The following SRL variants were observed in gnomAD, a reference collection of about 807,000 sequenced individuals.
The protein encoded by SRL is sarcalumenin.
SRL carries 23 observed loss-of-function variants against 39.5 expected under a neutral mutation model. The ratio of observed to expected loss-of-function variants is 0.58; its 90% CI spans 0.42 to 0.82. The LOEUF (loss-of-function observed/expected upper bound fraction) is 0.82. Among genes scored for constraint, SRL ranks in the 40% least tolerant of loss-of-function variants. The pLI, the probability that SRL is intolerant of heterozygous loss-of-function variation, is 0.00. For missense variants in SRL, 592 were observed against 607.8 expected (o/e 0.97, Z 0.27); for synonymous variants, 272 against 237.4 (o/e 1.15, Z -1.34).
chr16:4,204,925 G>A (rs140801068), intron 1 of SRL, among the ~76,000 whole-genome samples: 341 of 152,208 alleles, frequency 2.2e-3, no homozygotes, highest in East Asian at 5.8e-3. Flanking sequence ...CCTTCGCCAC[G>A]CCAGGCACTG....
At chr16:4,210,023 C>T (rs1477941413) in intron 1 of SRL, among the ~76,000 whole-genome samples, 4 of 152,198 alleles carry the variant, frequency 2.6e-5, no homozygotes, top group Non-Finnish European at 5.9e-5. Context: ...CTGGTCCTGG[C>T]TCCTGATTTG....
chr16:4,203,162 C>G lies in SRL; in HGVS notation c.259+4G>C, dbSNP rs2052260546. ...CAAGCCCTACCTGTTATCTCAAGCC[C>G]TACCTGTGATCTCATGCTGCCGGAG... is the stretch of plus-strand genomic sequence containing the variant. On this transcript the variant is annotated splice_donor_region_variant and intron_variant, in intron 3 of 5. Transcript: ENST00000399609. 7.4e-6 allele frequency: 12 copies of G among 1,613,242 alleles called. No individual in the cohort carries two copies. The East Asian group carries it at 2.7e-4, about 36-fold the overall frequency.
In SRL at chr16:4,234,940, T is replaced by A. The variant is rs2141070564; in HGVS notation, c.61+7067A>T. On this transcript the variant is annotated intron_variant, in intron 1 of 5. Transcript: ENST00000399609. ...AAATTCCATCTTAGAGATATCTTCC[T>A]TGAGCTGAAATCTTCTGAATCCTCT... Among the ~76,000 whole-genome samples the A allele has an allele frequency of 2.0e-5, 3 of 152,358 alleles. 1 individual carries two copies. In the South Asian group the frequency reaches 6.2e-4, roughly 32 times the overall value.
chr16:4,192,179 G>C lies in SRL; in HGVS notation c.1396C>G (p.Pro466Ala). ...TAGTGCTTCCTGTAGCGATTTTTTGGTGTTTCGCTACACCCTGTTTTGTCA... is the reference window on the plus strand; with the variant it reads ...TAGTGCTTCCTGTAGCGATTTTTTGCTGTTTCGCTACACCCTGTTTTGTCA... ...NCDKTGCSET[P>A]KNRYRKH Residue 466 changes from proline to alanine, a missense_variant, in exon 6 of 6, where the codon CCA becomes GCA. Physicochemically the swap from Pro to Ala is conservative, Grantham distance 27. Transcript: ENST00000399609. The surrounding 1 kb of genome is among the most constrained non-coding windows in gnomAD (Gnocchi z 4.0). 6.4e-7 allele frequency: 1 copy of C among 1,556,376 alleles called. No individual in the cohort carries two copies. Among genetic ancestry groups the C allele is most frequent in the Non-Finnish European group, 8.7e-7 (1 of 1,155,734 alleles).
intron 3 of SRL, among the ~76,000 whole-genome samples, chr16:4,199,692 C>CTTTTTTTTTTTTTTTTT (rs201684866): frequency 2.7e-5 from 3 of 111,526 alleles, no homozygotes; most frequent in African/African-American, 1.0e-4. Flanking sequence ...CTTTTCTTTT[C>CTTTTTTTTTTTTTTTTT]CTTTTTTTTT....
At chr16:4,215,890 G>C (rs575658872) in intron 1 of SRL, among the ~76,000 whole-genome samples, 3 of 152,112 alleles carry the variant, frequency 2.0e-5, no homozygotes, top group Non-Finnish European at 4.4e-5. Flanking sequence ...TTTAAAATTA[G>C]CTTGGCATGG....
intron 5 of SRL, among the ~76,000 whole-genome samples, chr16:4,194,923 C>G (rs368906865): frequency 3.8e-4 from 57 of 151,730 alleles, no homozygotes; most frequent in African/African-American, 1.3e-3. Context: ...GAGACAGAGT[C>G]TTGCTGTGTC....
At chr16:4,199,021 A>C (rs1031191836) in intron 3 of SRL, among the ~76,000 whole-genome samples, 1 of 152,134 alleles carries the variant, frequency 6.6e-6, no homozygotes, top group Non-Finnish European at 1.5e-5. Context: ...TTCAGGCCTC[A>C]GCTCTTCCAG....
At chr16:4,216,948 G>C (rs1184986423) in intron 1 of SRL, among the ~76,000 whole-genome samples, 1 of 152,220 alleles carries the variant, frequency 6.6e-6, no homozygotes, top group Non-Finnish European at 1.5e-5. Flanking sequence ...GAAGCCAAGG[G>C]AGCGTGGCTC....
At chr16:4,238,087 T>C (rs1329585455) in intron 1 of SRL, among the ~76,000 whole-genome samples, 2 of 152,172 alleles carry the variant, frequency 1.3e-5, no homozygotes, top group Non-Finnish European at 2.9e-5. Context: ...GGTTCACGAA[T>C]GATGGAACAC....
intron 1 of SRL, among the ~76,000 whole-genome samples, chr16:4,237,394 GTCAGCTGGGTCCACCCCT>G (rs1415491280): frequency 3.3e-5 from 5 of 152,126 alleles, no homozygotes; most frequent in Non-Finnish European, 5.9e-5. Flanking sequence ...TACACCAGCT[GTCAGCTGGGTCCACCCCT>G]TCTCTCCACT....
intron 1 of SRL, among the ~76,000 whole-genome samples, chr16:4,221,505 A>T (rs2052529783): frequency 6.6e-6 from 1 of 151,698 alleles, no homozygotes. Flanking sequence ...CCCCAGGCTG[A>T]CCCTCCCCGG....
Position 4,192,474 on chromosome 16 carries a change from G to C in SRL, c.1101C>G (p.Val367=). 6.2e-7 allele frequency: 1 copy of C among 1,614,204 alleles called. No homozygotes were observed. The highest frequency in any genetic ancestry group is 8.5e-7 in the Non-Finnish European group (1 of 1,180,034). Residue 367 remains valine (V), a synonymous_variant, in exon 6 of 6, where the codon GTC becomes GTG. Coordinates refer to ENST00000399609, the MANE Select transcript of SRL (RefSeq NM_001098814.2). This position sits in a 1 kb window ranked among gnomAD's most constrained non-coding sequence, Gnocchi z 4.0. ...KMTFFSDGEL[V]FKDIVEDPDK... is the part of the protein sequence containing the mutation. ...CGGGATCTTCCACAATGTCCTTAAA[G>C]ACCAGTTCTCCATCACTGAAGAAGG...
chr16:4,238,569 A>G lies in SRL; in HGVS notation c.61+3438T>C, dbSNP rs1416504677. Reference sequence around the variant, plus strand: ...CTTCACTGTAATACCTGGATGTAGGAAAAAACCAGCAGTTCCTAAACAGCA... The same window carrying G: ...CTTCACTGTAATACCTGGATGTAGGGAAAAACCAGCAGTTCCTAAACAGCA... On this transcript the variant is annotated intron_variant, in intron 1 of 5. Coordinates refer to ENST00000399609, the MANE Select transcript of SRL (RefSeq NM_001098814.2). Among the ~76,000 whole-genome samples the G allele has an allele frequency of 3.9e-5, 6 of 152,174 alleles. No homozygotes were observed. In the South Asian group the frequency reaches 6.2e-4, roughly 16 times the overall value.
At chr16:4,232,644 G>A (rs2141068546) in intron 1 of SRL, among the ~76,000 whole-genome samples, 1 of 152,266 alleles carries the variant, frequency 6.6e-6, no homozygotes, top group Middle Eastern at 3.4e-3. Flanking sequence ...CCAAGCAGCT[G>A]GGACCACACG....
chr16:4,209,082 G>A (rs1184338584), intron 1 of SRL, among the ~76,000 whole-genome samples: 1 of 152,134 alleles, frequency 6.6e-6, no homozygotes, highest in African/African-American at 2.4e-5. Context: ...AGACCAGCCT[G>A]GCCAACATGG....
chr16:4,240,344 AG>A (rs998749669), intron 1 of SRL, among the ~76,000 whole-genome samples: 1 of 152,150 alleles, frequency 6.6e-6, no homozygotes, highest in African/African-American at 2.4e-5. Context: ...TGGGGGCGTG[AG>A]GAAGCCACCT....
chr16:4,222,091 C>A (rs1170768592), intron 1 of SRL, among the ~76,000 whole-genome samples: 1 of 152,162 alleles, frequency 6.6e-6, no homozygotes, highest in Non-Finnish European at 1.5e-5. Flanking sequence ...CATAACAGGT[C>A]CCCCAATAGC....
intron 1 of SRL, among the ~76,000 whole-genome samples, chr16:4,217,581 C>A (rs546524020): frequency 6.6e-6 from 1 of 152,190 alleles, no homozygotes; most frequent in Admixed American, 6.5e-5. Context: ...GCCCCCACCC[C>A]CCGCTGTCTT....
Sources: allele counts gnomAD v4.1 joint callset (sites outside exome capture counted in the v4.1 genomes callset), GRCh38; gene constraint gnomAD v4.1.1; non-coding constraint Gnocchi (gnomAD v3.1); transcripts MANE v1.5; gene names NCBI Gene and HGNC (gene_info 2026-07-23, HGNC 2026-07-21).